Variants in IMPG2 observed in about 807,000 individuals in gnomAD.
IMPG2 encodes the protein IPM 200.
A neutral mutation model predicts 129.2 loss-of-function variants in IMPG2; 91 were observed. The ratio of observed to expected loss-of-function variants is 0.70; its 90% CI spans 0.59 to 0.84. IMPG2 has a LOEUF of 0.84. Ranked by LOEUF, IMPG2 falls within the 40% of genes least tolerant of loss-of-function variation. The pLI is 0.00. For synonymous variants in IMPG2, 510 were observed against 517.7 expected (o/e 0.99, Z 0.20); for missense variants, 1,430 against 1,461.7 (o/e 0.98, Z 0.35).
chr3:101,275,685 C>G lies in IMPG2; in HGVS notation c.644G>C (p.Ser215Thr), dbSNP rs767895653. ...VDAYEGASES[S>T]LERPEESISN... ...CACACTCTCCTCTGGCCTTTCCAAG[C>G]TGCTCTCTGAGGCACCTTCATAGGC... The change falls in exon 6 of 19, where the codon AGC becomes ACC. Residue 215 changes from serine to threonine, a missense_variant. Coordinates refer to ENST00000193391, the MANE Select transcript of IMPG2 (RefSeq NM_016247.4). 34 of 1,613,546 alleles carry G rather than the reference C, an allele frequency of 2.1e-5. No homozygotes were observed. The highest frequency in any genetic ancestry group is 2.9e-5 in the Non-Finnish European group (34 of 1,179,566).
At chr3:101,246,384 GA>G (rs935675255) in intron 11 of IMPG2, among the ~76,000 whole-genome samples, 2 of 151,740 alleles carry the variant, frequency 1.3e-5, no homozygotes, top group African/African-American at 4.9e-5. Flanking sequence ...ATTTGTGAGA[GA>G]AAATTTTTTT....
intron 18 of IMPG2, 60 bp downstream of exon 18, chr3:101,228,737 T>C: frequency 7.8e-7 from 1 of 1,288,144 alleles, no homozygotes; most frequent in East Asian, 2.3e-5. Context: ...GGTGTGACAT[T>C]ACTCTAGAGT....
intron 4 of IMPG2, among the ~76,000 whole-genome samples, chr3:101,286,085 A>G (rs1478783017): frequency 1.3e-5 from 2 of 152,094 alleles, no homozygotes; most frequent in Non-Finnish European, 2.9e-5. Context: ...TCTCTACGCC[A>G]TAATTTCCTT....
rs1706476281 is a variant in IMPG2, at chr3:101,246,182, G to A, written c.1240-77C>T. ...AAGTGATTTTAAATACCACCTATCT[G>A]TCTATATTCCCAGATCTTCTAGGGA... is the stretch of plus-strand genomic sequence containing the variant. On this transcript the variant is annotated intron_variant, in intron 11 of 18. Transcript: ENST00000193391. 2.9e-6 allele frequency: 4 copies of A among 1,385,216 alleles called. No homozygotes were observed. In the South Asian group the frequency reaches 3.8e-5, roughly 13 times the overall value. 85.8% of individuals were successfully genotyped at this position (1,385,216 alleles called of 1,614,324 possible).
At chr3:101,278,773 TA>T (rs1706863855) in intron 4 of IMPG2, among the ~76,000 whole-genome samples, 1 of 152,140 alleles carries the variant, frequency 6.6e-6, no homozygotes, top group Non-Finnish European at 1.5e-5. Flanking sequence ...AGTAAGATGT[TA>T]AACTATTACA....
intron 2 of IMPG2, among the ~76,000 whole-genome samples, chr3:101,316,258 G>C (rs142335781): frequency 0.015 from 2,255 of 152,022 alleles, 22 homozygotes; most frequent in Admixed American, 0.037. Flanking sequence ...TGATAAATTT[G>C]ACTTTATCAA....
chr3:101,294,375 G>A (rs1707055304), intron 3 of IMPG2, among the ~76,000 whole-genome samples: 1 of 152,056 alleles, frequency 6.6e-6, no homozygotes, highest in Admixed American at 6.6e-5. Flanking sequence ...AGTATGCTGA[G>A]GATGATGGCT....
At chr3:101,256,146 A>AAAGT (rs1706599498) in intron 10 of IMPG2, among the ~76,000 whole-genome samples, 2 of 19,944 alleles carry the variant, frequency 1.0e-4, no homozygotes, top group African/African-American at 3.4e-4. Context: ...GAAAGAAAGA[A>AAAGT]AAGAAAGAAA....
intron 9 of IMPG2, among the ~76,000 whole-genome samples, chr3:101,260,739 T>A (rs373621919): frequency 6.6e-6 from 1 of 152,182 alleles, no homozygotes; most frequent in East Asian, 1.9e-4. Context: ...AGCTTAGCTG[T>A]CATCTCCCAG....
intron 2 of IMPG2, among the ~76,000 whole-genome samples, chr3:101,312,471 T>C (rs1707277917): frequency 6.6e-6 from 1 of 151,910 alleles, no homozygotes; most frequent in African/African-American, 2.4e-5. Context: ...CAATGAGACA[T>C]CATTTCAAAC....
At chr3:101,244,869 T>A in intron 12 of IMPG2, 82 bp from the exon 13 acceptor site, 1 of 1,214,380 alleles carries the variant, frequency 8.2e-7, no homozygotes. Context: ...TAGTTGCCTG[T>A]TTTTTCCCTG....
At chr3:101,308,220 T>C (rs1401144084) in intron 2 of IMPG2, among the ~76,000 whole-genome samples, 5 of 152,220 alleles carry the variant, frequency 3.3e-5, no homozygotes, top group Admixed American at 3.3e-4. Flanking sequence ...TTCTGGGGTC[T>C]GGAGGACAGT....
At chr3:101,269,693 C>A in intron 7 of IMPG2, 120 bp from the exon 8 acceptor site, 1 of 633,166 alleles carries the variant, frequency 1.6e-6, no homozygotes, top group Admixed American at 2.9e-5. Context: ...AGCTTATACA[C>A]TTAGCTAGGC....
chr3:101,227,684 T>C (rs1022144802), intron 18 of IMPG2: 6 of 410,348 alleles, frequency 1.5e-5, no homozygotes, highest in Non-Finnish European at 2.9e-5. Context: ...CGCCTGGTGA[T>C]ATTGCTCTGG....
At chr3:101,266,089 C>A (rs1706718116) in intron 9 of IMPG2, among the ~76,000 whole-genome samples, 1 of 152,104 alleles carries the variant, frequency 6.6e-6, no homozygotes, top group Non-Finnish European at 1.5e-5. Context: ...GGGACTCTTA[C>A]ATACTTCTGG....
At chr3:101,258,612 A>G (rs1298500415) in intron 9 of IMPG2, among the ~76,000 whole-genome samples, 1 of 152,140 alleles carries the variant, frequency 6.6e-6, no homozygotes, top group African/African-American at 2.4e-5. Context: ...TGAATTATGT[A>G]AAACCTCAAC....
chr3:101,257,843 G>T, intron 9 of IMPG2, 70 bp from the exon 10 acceptor site: 1 of 1,557,318 alleles, frequency 6.4e-7, no homozygotes, highest in Non-Finnish European at 8.8e-7. Context: ...TTGAACCCAT[G>T]AAGAACAAAC....
chr3:101,269,924 TTC>T (rs1706762696), intron 7 of IMPG2, among the ~76,000 whole-genome samples: 4 of 147,638 alleles, frequency 2.7e-5, no homozygotes, highest in Non-Finnish European at 4.5e-5. Flanking sequence ...TTTTATTTTA[TTC>T]TTTTTTTTTT....
chr3:101,230,743 C>T (rs1325581248), intron 16 of IMPG2, among the ~76,000 whole-genome samples: 1 of 152,200 alleles, frequency 6.6e-6, no homozygotes, highest in Non-Finnish European at 1.5e-5. Flanking sequence ...CTTATTTGTA[C>T]CTCATCAAGG....
Sources: gnomAD v4.1 joint callset for allele counts (sites outside exome capture counted in the v4.1 genomes callset) on GRCh38, gnomAD v4.1.1 for gene constraint, MANE v1.5 for transcripts, NCBI Gene and HGNC (gene_info 2026-07-23, HGNC 2026-07-21) for gene names.